IMMP2L: variants seen among roughly 807,000 people sequenced by gnomAD.
IMMP2L encodes the protein inner mitochondrial membrane peptidase subunit 2.
IMMP2L carries 18 observed loss-of-function variants against 19.3 expected under a neutral mutation model. The observed-to-expected ratio is 0.93, with a 90% CI of 0.64 to 1.38. The LOEUF is 1.38. Ranked by LOEUF, IMMP2L falls within the 40% of genes most tolerant of loss-of-function variation. IMMP2L has a pLI of 0.00. For synonymous variants in IMMP2L, 76 were observed against 73.0 expected, an observed-to-expected ratio of 1.04 and a Z score of -0.21; for missense variants, 233 against 218.2, an observed-to-expected ratio of 1.07 and a Z score of -0.43.
intron 3 of IMMP2L, among the ~76,000 whole-genome samples, chr7:111,035,181 T>C (rs918216406): frequency 6.6e-6 from 1 of 152,194 alleles, no homozygotes; most frequent in Non-Finnish European, 1.5e-5. Context: ...TTAGACTTAC[T>C]ATTACTACTT....
At chr7:110,762,634 G>T (rs1454468476) in intron 5 of IMMP2L, among the ~76,000 whole-genome samples, 1 of 152,062 alleles carries the variant, frequency 6.6e-6, no homozygotes, top group Non-Finnish European at 1.5e-5. Flanking sequence ...AGCTTTGTCT[G>T]GGAGGGCAGA....
At chr7:111,170,130 C>A (rs772779871) in intron 3 of IMMP2L, among the ~76,000 whole-genome samples, 1 of 151,764 alleles carries the variant, frequency 6.6e-6, no homozygotes, top group Non-Finnish European at 1.5e-5. Flanking sequence ...TATTTTGGCA[C>A]ATATTATGAA....
At chr7:111,130,080 C>T (rs1208269720) in intron 3 of IMMP2L, among the ~76,000 whole-genome samples, 1 of 152,028 alleles carries the variant, frequency 6.6e-6, no homozygotes, top group African/African-American at 2.4e-5. Context: ...TAAAAAGAGA[C>T]AAGCCTACAG....
Position 110,886,684 on chromosome 7 carries a change from T to G in IMMP2L, c.317A>C (p.His106Pro). 3.8e-6 allele frequency: 6 copies of G among 1,573,576 alleles called. No individual in the cohort carries two copies. Among genetic ancestry groups the G allele is most frequent in the Non-Finnish European group, 5.2e-6 (6 of 1,143,392 alleles). ...GGGGACTTTGACATACCGGTTTTTG[T>G]GTCCTATGGTTCTGGAAATAAACAG... ...LEGDIVRTIG[H>P]KNRYVKVPRG... The change falls in exon 5 of 6, where the codon CAC becomes CCC. Residue 106 changes from histidine (H) to proline (P), a missense_variant. His to Pro is a moderately conservative substitution (Grantham distance 77). Transcript: ENST00000405709.
At chr7:111,434,427 C>A (rs558759416) in intron 3 of IMMP2L, among the ~76,000 whole-genome samples, 3 of 143,144 alleles carry the variant, frequency 2.1e-5, no homozygotes, top group African/African-American at 8.7e-5. Context: ...GCAGAGTAAA[C>A]AGACAAACTA....
chr7:111,092,504 G>A (rs941128811), intron 3 of IMMP2L, among the ~76,000 whole-genome samples: 2 of 152,100 alleles, frequency 1.3e-5, no homozygotes. Context: ...GTGAAAAGGG[G>A]ATAATGTGAA....
At chr7:110,808,882 T>C (rs546047473) in intron 5 of IMMP2L, among the ~76,000 whole-genome samples, 2 of 152,024 alleles carry the variant, frequency 1.3e-5, no homozygotes, top group African/African-American at 2.4e-5. Flanking sequence ...CTCTGAAACT[T>C]CAGTTATGGG....
intron 4 of IMMP2L, among the ~76,000 whole-genome samples, chr7:110,895,462 C>T (rs910226382): frequency 6.6e-4 from 101 of 152,080 alleles, no homozygotes; most frequent in African/African-American, 2.4e-3. Flanking sequence ...TGCAATGAGT[C>T]CCCCAATTTT....
intron 3 of IMMP2L, among the ~76,000 whole-genome samples, chr7:111,031,680 G>A (rs1332215509): frequency 6.6e-6 from 1 of 152,120 alleles, no homozygotes; most frequent in Non-Finnish European, 1.5e-5. Flanking sequence ...CAAAGAGGAA[G>A]AGAATACCTC....
At chr7:110,669,023 CAGTA>C (rs1322299855) in intron 5 of IMMP2L, among the ~76,000 whole-genome samples, 11 of 103,642 alleles carry the variant, frequency 1.1e-4, no homozygotes, top group Admixed American at 6.5e-4. Context: ...ACTGAACCAA[CAGTA>C]TGTGTGTGTG....
In IMMP2L at chr7:111,224,983, T is replaced by C. The variant is rs534759920; in HGVS notation, c.240-261418A>G. Among the ~76,000 whole-genome samples, 7 of 152,244 alleles carry C rather than the reference T, an allele frequency of 4.6e-5. No individual in the cohort carries two copies. In the South Asian group the frequency reaches 1.0e-3, roughly 23 times the overall value. ...TGTGTGGTGAAATGGCAAATACACA[T>C]AAAGCACTCACTGCAACTAGAGTAC... is the stretch of plus-strand genomic sequence containing the variant. On this transcript the variant is annotated intron_variant, in intron 3 of 5. Coordinates refer to ENST00000405709, the MANE Select transcript of IMMP2L (RefSeq NM_032549.4).
chr7:110,839,335 A>G (rs1192049190), intron 5 of IMMP2L, among the ~76,000 whole-genome samples: 1 of 152,174 alleles, frequency 6.6e-6, no homozygotes, highest in East Asian at 1.9e-4. Flanking sequence ...GATAATAAAA[A>G]AAAAGTCTAT....
intron 4 of IMMP2L, among the ~76,000 whole-genome samples, chr7:110,888,238 A>G (rs529115063): frequency 6.6e-6 from 1 of 152,352 alleles, no homozygotes; most frequent in East Asian, 1.9e-4. Flanking sequence ...ACTCTGTAAT[A>G]TAAGTGTTCT....
chr7:111,376,798 G>C (rs1830716338), intron 3 of IMMP2L, among the ~76,000 whole-genome samples: 1 of 151,994 alleles, frequency 6.6e-6, no homozygotes, highest in Admixed American at 6.6e-5. Context: ...CGGTCACAAA[G>C]AACCACATAT....
intron 3 of IMMP2L, among the ~76,000 whole-genome samples, chr7:111,293,484 AACCAAAT>A (rs1260220695): frequency 6.6e-6 from 1 of 151,904 alleles, no homozygotes; most frequent in Non-Finnish European, 1.5e-5. Flanking sequence ...GCAGCTAGCA[AACCAAAT>A]ACGTACCTCC....
chr7:110,729,766 G>T (rs1213359511), intron 5 of IMMP2L, among the ~76,000 whole-genome samples: 2 of 152,134 alleles, frequency 1.3e-5, no homozygotes, highest in African/African-American at 2.4e-5. Context: ...GCCTATCAGT[G>T]GTTCCGGGGG....
intron 1 of IMMP2L, among the ~76,000 whole-genome samples, chr7:111,522,718 A>G (rs1846454223): frequency 6.6e-6 from 1 of 152,024 alleles, no homozygotes; most frequent in South Asian, 2.1e-4. Flanking sequence ...TACAGAAAAG[A>G]GTATGGAGGT....
At chr7:111,340,591 AG>A (rs1452918505) in intron 3 of IMMP2L, among the ~76,000 whole-genome samples, 2 of 152,062 alleles carry the variant, frequency 1.3e-5, no homozygotes. Flanking sequence ...CCTAGGTCCC[AG>A]GAAGTCCACT....
chr7:110,993,139 G>C (rs575328439), intron 3 of IMMP2L, among the ~76,000 whole-genome samples: 15 of 151,944 alleles, frequency 9.9e-5, no homozygotes, highest in Non-Finnish European at 2.2e-4. Context: ...AACAGGCCAG[G>C]TTTCCCTAAG....
Sources: gnomAD v4.1 joint callset for allele counts (sites outside exome capture counted in the v4.1 genomes callset) on GRCh38, gnomAD v4.1.1 for gene constraint, MANE v1.5 for transcripts, NCBI Gene and HGNC (gene_info 2026-07-23, HGNC 2026-07-21) for gene names.